CRBN: variants seen among roughly 807,000 people sequenced by gnomAD.
CRBN encodes cereblon.
Under a neutral mutation model 62.2 loss-of-function variants are expected in CRBN, and 53 were observed. The ratio of observed to expected loss-of-function variants is 0.85; its 90% CI spans 0.68 to 1.07. CRBN has a LOEUF of 1.07. Ranked by LOEUF, CRBN falls within the 50% of genes least tolerant of loss-of-function variation. The probability of loss-of-function intolerance (pLI) is 0.00; values close to 1 mark genes in which losing one functional copy is unlikely to be tolerated. For synonymous variants in CRBN, 208 were observed against 176.1 expected (o/e 1.18, Z -1.43); for missense variants, 616 against 531.1 (o/e 1.16, Z -1.57).
intron 9 of CRBN, chr3:3,153,192 GT>G (rs1229105750): frequency 2.1e-6 from 1 of 466,682 alleles, no homozygotes; most frequent in African/African-American, 2.0e-5. Flanking sequence ...GAATTTCTCA[GT>G]TGTTTTACTT....
rs1559236630 is a variant in CRBN at position 3,150,098 on chromosome 3, T to C, written c.*767A>G. 2 of 152,144 alleles carry C rather than the reference T, an allele frequency of 1.3e-5. No individual in the cohort carries two copies. Among genetic ancestry groups the C allele is most frequent in the African/African-American group, 4.8e-5 (2 of 41,450 alleles). 9.4% of individuals were successfully genotyped at this position (152,144 alleles called of 1,614,324 possible). Reference sequence around the variant, plus strand: ...AATACAGTATCAAGTTTAGTCTGGGTGAGGGGACATGTTTTGGCATCTTTT... The same window carrying C: ...AATACAGTATCAAGTTTAGTCTGGGCGAGGGGACATGTTTTGGCATCTTTT... On this transcript the variant is annotated 3_prime_UTR_variant, in exon 11 of 11. Transcript: ENST00000231948.
chr3:3,169,307 G>GT (rs908327150), intron 4 of CRBN, among the ~76,000 whole-genome samples: 1 of 151,930 alleles, frequency 6.6e-6, no homozygotes, highest in Non-Finnish European at 1.5e-5. Flanking sequence ...ACATAAGCTA[G>GT]TTTTTTTTCT....
chr3:3,173,961 T>C (rs1331866501), intron 3 of CRBN, 98 bp downstream of exon 3: 4 of 1,029,276 alleles, frequency 3.9e-6, no homozygotes, highest in South Asian at 2.6e-5. Flanking sequence ...CAACCTCTCC[T>C]GTACATGCGA....
At chr3:3,165,980 T>C (rs1707311737) in intron 5 of CRBN, among the ~76,000 whole-genome samples, 1 of 152,186 alleles carries the variant, frequency 6.6e-6, no homozygotes, top group Non-Finnish European at 1.5e-5. Context: ...CATACTTATT[T>C]CAACAGTAAC....
chr3:3,151,581 G>A (rs908748465), intron 10 of CRBN, among the ~76,000 whole-genome samples: 3 of 152,142 alleles, frequency 2.0e-5, no homozygotes, highest in Admixed American at 6.6e-5. Context: ...GATAAACCAT[G>A]TAATTGCAAC....
At chr3:3,167,077 T>C (rs1240994112) in intron 5 of CRBN, among the ~76,000 whole-genome samples, 1 of 152,090 alleles carries the variant, frequency 6.6e-6, no homozygotes, top group Admixed American at 6.6e-5. Flanking sequence ...CAATTTTTTT[T>C]TCCTATGACA....
At chr3:3,165,770 T>G (rs1002875026) in intron 5 of CRBN, among the ~76,000 whole-genome samples, 2 of 152,140 alleles carry the variant, frequency 1.3e-5, no homozygotes, top group Admixed American at 6.6e-5. Flanking sequence ...GTGGTATGCC[T>G]GTACCCCCTG....
At chr3:3,173,146 C>T (rs1707693598) in intron 3 of CRBN, among the ~76,000 whole-genome samples, 1 of 152,156 alleles carries the variant, frequency 6.6e-6, no homozygotes, top group African/African-American at 2.4e-5. Flanking sequence ...CAGCCTCTGC[C>T]TCCCAGGTTC....
intron 5 of CRBN, among the ~76,000 whole-genome samples, chr3:3,164,609 C>T (rs1559250346): frequency 1.3e-5 from 2 of 152,212 alleles, no homozygotes; most frequent in Non-Finnish European, 2.9e-5. Context: ...GATGACAGAA[C>T]ATCTGTTTAG....
rs1235722098 is a variant in CRBN, at chr3:3,166,209, C to T, written c.687+1425G>A. Among the ~76,000 whole-genome samples, 49 of 152,090 alleles carry T rather than the reference C, an allele frequency of 3.2e-4. 2 individuals are homozygous for T. Among genetic ancestry groups the T allele is most frequent in the Admixed American group, 3.2e-3 (49 of 15,254 alleles). ...GTGGGAGGTGACTGAATTATGGGGG[C>T]AGGTCTTTCCTGTGCTGTTCTTGTG... On this transcript the variant is annotated intron_variant, in intron 5 of 10. Transcript: ENST00000231948.
intron 1 of CRBN, among the ~76,000 whole-genome samples, chr3:3,178,087 T>C (rs1400914619): frequency 6.6e-6 from 1 of 152,142 alleles, no homozygotes; most frequent in South Asian, 2.1e-4. Flanking sequence ...ACTCATCTCA[T>C]GCAGAGGCAC....
chr3:3,177,017 T>C (rs895657147), intron 1 of CRBN, among the ~76,000 whole-genome samples: 1 of 152,194 alleles, frequency 6.6e-6, no homozygotes, highest in East Asian at 1.9e-4. Flanking sequence ...GGGATATTGG[T>C]TGCAATAACT....
chr3:3,171,053 C>T (rs903535881), intron 4 of CRBN, among the ~76,000 whole-genome samples: 2 of 152,118 alleles, frequency 1.3e-5, no homozygotes, highest in African/African-American at 2.4e-5. Context: ...GATCGTCCTG[C>T]CTTGGCCTCC....
Position 3,151,000 on chromosome 3 carries a change from A to G in CRBN, c.1194T>C (p.Ile398=). The part of the protein sequence containing the change: ...VAQCKICASH[I]GWKFTATKKD... Reference sequence around the variant, plus strand: ...TTTTGGTGGCCGTAAACTTCCATCCAATATGGCTTGCACAGATCTTACACT... The same window carrying G: ...TTTTGGTGGCCGTAAACTTCCATCCGATATGGCTTGCACAGATCTTACACT... Residue 398 remains isoleucine, a synonymous_variant, in exon 11 of 11, where the codon ATT becomes ATC. Transcript: ENST00000231948. The G allele has an allele frequency of 1.2e-6, 2 of 1,613,992 alleles. No individual in the cohort carries two copies. Among genetic ancestry groups the G allele is most frequent in the Non-Finnish European group, 8.5e-7 (1 of 1,179,978 alleles).
chr3:3,152,068 C>G (rs1706596745), intron 10 of CRBN, among the ~76,000 whole-genome samples: 2 of 152,090 alleles, frequency 1.3e-5, no homozygotes, highest in Admixed American at 6.5e-5. Flanking sequence ...TCAACCTTTT[C>G]TTCCTTTCAT....
At chr3:3,149,981 A>ATATT (rs1706385155), downstream of CRBN, 1 of 152,178 alleles carries the variant, frequency 6.6e-6, no homozygotes, top group Non-Finnish European at 1.5e-5. Flanking sequence ...TTATGAGTAG[A>ATATT]TATTTTACAT....
intron 5 of CRBN, among the ~76,000 whole-genome samples, chr3:3,161,666 C>T (rs191728383): frequency 0.011 from 1,693 of 152,276 alleles, 30 homozygotes; most frequent in Middle Eastern, 0.027. Context: ...GGATTACAGG[C>T]GTGAGCCACT....
At chr3:3,169,930 A>G (rs1575096790) in intron 4 of CRBN, among the ~76,000 whole-genome samples, 1 of 149,958 alleles carries the variant, frequency 6.7e-6, no homozygotes, top group East Asian at 2.0e-4. Flanking sequence ...GAAGATGCCC[A>G]CCCCCCCTCC....
chr3:3,173,052 T>TTTTA lies in CRBN; in HGVS notation c.378-131_378-128dup, dbSNP rs201165279. 5,272 of 754,354 alleles carry TTTTA rather than the reference T, an allele frequency of 7.0e-3. 94 individuals are homozygous for TTTTA. The highest frequency in any genetic ancestry group is 0.047 in the African/African-American group (2,686 of 56,774). The allele number at this position is 754,354 out of a possible 1,614,324, so 46.7% of individuals were successfully genotyped here. ...AACCCTTACTACAAAGCTAGGATAATTTTATTTATTTATTTATTTGTTTGA... is the reference window on the plus strand; with the variant it reads ...AACCCTTACTACAAAGCTAGGATAATTTTATTTATTTATTTATTTATTTGTTTGA... On this transcript the variant is annotated intron_variant, in intron 3 of 10. Coordinates refer to ENST00000231948, the MANE Select transcript of CRBN (RefSeq NM_016302.4).
Sources: allele counts gnomAD v4.1 joint callset (sites outside exome capture counted in the v4.1 genomes callset), GRCh38; gene constraint gnomAD v4.1.1; transcripts MANE v1.5; gene names NCBI Gene and HGNC (gene_info 2026-07-23, HGNC 2026-07-21).